Variants in KCTD8 observed in about 807,000 individuals in gnomAD.
The protein encoded by KCTD8 is potassium channel tetramerization domain containing 8, also known as BTB/POZ domain-containing protein KCTD8.
KCTD8 carries 27 observed loss-of-function variants against 31.5 expected under a neutral mutation model. The observed-to-expected ratio is 0.86, with a 90% CI of 0.63 to 1.18. The LOEUF is 1.18. KCTD8 is among the 50% of genes most tolerant of loss of function. KCTD8 has a pLI of 0.00. For missense variants in KCTD8, 658 were observed against 647.7 expected (o/e 1.02, Z -0.17); for synonymous variants, 290 against 280.0 (o/e 1.04, Z -0.36).
At chr4:44,195,533 G>T (rs776456337) in intron 1 of KCTD8, among the ~76,000 whole-genome samples, 1 of 152,120 alleles carries the variant, frequency 6.6e-6, no homozygotes, top group Non-Finnish European at 1.5e-5. Context: ...GAGCAAATGA[G>T]AATTGCTGAT....
chr4:44,295,742 C>A lies in KCTD8; in HGVS notation c.962-120492G>T, dbSNP rs1462176141. 2.0e-5 allele frequency among the ~76,000 whole-genome samples: 3 copies of A among 152,112 alleles called. No homozygotes were observed. In the South Asian group the frequency reaches 6.2e-4, roughly 31 times the overall value. ...AGCATCTTTTTATAGTTGCATAAAT[C>A]CATTCATGAACAAAACACCTCCCAG... On this transcript the variant is annotated intron_variant, in intron 1 of 1. Coordinates refer to ENST00000360029, the MANE Select transcript of KCTD8 (RefSeq NM_198353.3).
chr4:44,289,968 C>T (rs925947161), intron 1 of KCTD8, among the ~76,000 whole-genome samples: 4 of 152,186 alleles, frequency 2.6e-5, no homozygotes, highest in Middle Eastern at 3.4e-3. Flanking sequence ...CATATCAGTA[C>T]TAACCCTGAA....
intron 1 of KCTD8, among the ~76,000 whole-genome samples, chr4:44,388,235 G>C (rs1445825578): frequency 1.3e-5 from 2 of 151,886 alleles, no homozygotes; most frequent in African/African-American, 4.8e-5. Context: ...TGGAGGAAAA[G>C]GAATGCTTAT....
At chr4:44,209,497 TACACACACAC>T (rs142003669) in intron 1 of KCTD8, among the ~76,000 whole-genome samples, 1 of 149,208 alleles carries the variant, frequency 6.7e-6, no homozygotes, top group East Asian at 2.0e-4. Flanking sequence ...GCTACACACA[TACACACACAC>T]ACACACTCTC....
intron 1 of KCTD8, among the ~76,000 whole-genome samples, chr4:44,224,428 T>C (rs1281924254): frequency 2.0e-5 from 3 of 152,228 alleles, no homozygotes; most frequent in African/African-American, 7.2e-5. Context: ...ACAATCTCTA[T>C]CACTGGGCCC....
At chr4:44,349,467 AC>A (rs975105176) in intron 1 of KCTD8, among the ~76,000 whole-genome samples, 1 of 152,126 alleles carries the variant, frequency 6.6e-6, no homozygotes, top group Non-Finnish European at 1.5e-5. Context: ...AGGCTCTAGC[AC>A]CCTTGCCGTG....
intron 1 of KCTD8, among the ~76,000 whole-genome samples, chr4:44,195,132 C>T (rs1713900736): frequency 6.6e-6 from 1 of 151,764 alleles, no homozygotes; most frequent in Non-Finnish European, 1.5e-5. Flanking sequence ...CCCACCTCGG[C>T]CTCCCAAAGT....
rs1225477475 is a variant in KCTD8, at chr4:44,211,001, C to T, written c.962-35751G>A. ...AGCAATGTGTTTTTCATGACTTTGCCTGATACTTGTAACCAGTGTTATATT... is the reference window on the plus strand; with the variant it reads ...AGCAATGTGTTTTTCATGACTTTGCTTGATACTTGTAACCAGTGTTATATT... On this transcript the variant is annotated intron_variant, in intron 1 of 1. Coordinates refer to ENST00000360029, the MANE Select transcript of KCTD8 (RefSeq NM_198353.3). 2.0e-5 allele frequency among the ~76,000 whole-genome samples: 3 copies of T among 152,268 alleles called. No individual in the cohort carries two copies. The East Asian group carries it at 5.8e-4, about 29-fold the overall frequency.
intron 1 of KCTD8, among the ~76,000 whole-genome samples, chr4:44,364,075 G>T (rs1332378531): frequency 6.6e-6 from 1 of 151,866 alleles, no homozygotes; most frequent in Admixed American, 6.6e-5. Context: ...ATCGATAAAA[G>T]AAAAACTTTA....
Position 44,182,232 on chromosome 4 carries a change from G to A in KCTD8, c.962-6982C>T, listed in dbSNP as rs537478200. 6.8e-4 allele frequency among the ~76,000 whole-genome samples: 103 copies of A among 150,654 alleles called. 1 individual carries two copies. The highest frequency in any genetic ancestry group is 3.7e-3 in the Middle Eastern group (1 of 272). ...AGGTGGGGGGCACCTCTGCCCGGCC[G>A]CCCCTTCTGGGAAGTGAGGAGCCCC... is the stretch of plus-strand genomic sequence containing the variant. On this transcript the variant is annotated intron_variant, in intron 1 of 1. Coordinates refer to ENST00000360029, the MANE Select transcript of KCTD8 (RefSeq NM_198353.3).
At chr4:44,308,852 T>A (rs1005558972) in intron 1 of KCTD8, among the ~76,000 whole-genome samples, 1 of 151,944 alleles carries the variant, frequency 6.6e-6, no homozygotes, top group African/African-American at 2.4e-5. Context: ...TACAGTATAG[T>A]TATAAATTAT....
chr4:44,262,968 G>A (rs117059984), intron 1 of KCTD8, among the ~76,000 whole-genome samples: 1,809 of 152,192 alleles, frequency 0.012, 63 homozygotes, highest in Admixed American at 0.064. Flanking sequence ...ATTATGAAAT[G>A]AAACATATGT....
chr4:44,444,995 T>A (rs1250600977), intron 1 of KCTD8, among the ~76,000 whole-genome samples: 1 of 152,184 alleles, frequency 6.6e-6, no homozygotes, highest in Non-Finnish European at 1.5e-5. Flanking sequence ...AAGGTTATTT[T>A]CTGCATCTAA....
intron 1 of KCTD8, among the ~76,000 whole-genome samples, chr4:44,259,394 T>C (rs1716097386): frequency 6.6e-6 from 1 of 151,918 alleles, no homozygotes; most frequent in African/African-American, 2.4e-5. Context: ...ATCTGGCAAA[T>C]AGAAAGTTTC....
At chr4:44,327,006 A>C (rs1718457645) in intron 1 of KCTD8, among the ~76,000 whole-genome samples, 1 of 151,922 alleles carries the variant, frequency 6.6e-6, no homozygotes, top group Admixed American at 6.6e-5. Context: ...TTGCACAAGG[A>C]TGAAAATGAA....
chr4:44,399,952 T>C (rs1252908044), intron 1 of KCTD8, among the ~76,000 whole-genome samples: 1 of 152,162 alleles, frequency 6.6e-6, no homozygotes, highest in Non-Finnish European at 1.5e-5. Context: ...CAACTTTGGA[T>C]TTCCCTCTAC....
At chr4:44,242,180 G>A (rs1461468726) in intron 1 of KCTD8, among the ~76,000 whole-genome samples, 1 of 152,202 alleles carries the variant, frequency 6.6e-6, no homozygotes, top group Non-Finnish European at 1.5e-5. Flanking sequence ...TATTTTAAAT[G>A]TATTAACTGT....
intron 1 of KCTD8, among the ~76,000 whole-genome samples, chr4:44,406,549 C>A (rs568868705): frequency 1.3e-5 from 2 of 152,220 alleles, no homozygotes; most frequent in East Asian, 3.9e-4. Flanking sequence ...CTGAGGCCTC[C>A]CCAGCCATGT....
At chr4:44,447,009 T>C (rs1721958448) in intron 1 of KCTD8, among the ~76,000 whole-genome samples, 1 of 152,148 alleles carries the variant, frequency 6.6e-6, no homozygotes, top group South Asian at 2.1e-4. Context: ...GGGGCACCTT[T>C]ATCGCTTCTC....
Sources: allele counts gnomAD v4.1 joint callset (sites outside exome capture counted in the v4.1 genomes callset), GRCh38; gene constraint gnomAD v4.1.1; transcripts MANE v1.5; gene names NCBI Gene and HGNC (gene_info 2026-07-23, HGNC 2026-07-21).